Variants in MYO9A observed in about 807,000 individuals in gnomAD.
MYO9A encodes unconventional myosin-IXa.
MYO9A carries 103 observed loss-of-function variants against 293.3 expected under a neutral mutation model. That is an observed-to-expected ratio of 0.35 (90% CI 0.30 to 0.41). MYO9A has a LOEUF of 0.41. Ranked by LOEUF, MYO9A falls within the 10% of genes least tolerant of loss-of-function variation. The pLI is 1.00. For synonymous variants in MYO9A, 1,001 were observed against 1,035.7 expected (o/e 0.97, Z 0.64); for missense variants, 2,685 against 3,033.0 (o/e 0.89, Z 2.69).
In MYO9A at chr15:71,822,839, T is replaced by C. The variant is rs944303204; in HGVS notation, c.*3741A>G. 6.6e-6 allele frequency: 1 copy of C among 152,188 alleles called. No homozygotes were observed. The highest frequency in any genetic ancestry group is 2.4e-5 in the African/African-American group (1 of 41,440). 9.4% of individuals were successfully genotyped at this position (152,188 alleles called of 1,614,324 possible). A position where few individuals can be genotyped will look rare whatever the true frequency, so the allele number is the denominator to read the frequency against. On this transcript the variant is annotated 3_prime_UTR_variant, in exon 42 of 42. Coordinates refer to ENST00000356056, the MANE Select transcript of MYO9A (RefSeq NM_006901.4). ...ACCAGGGGACCAACATGAGACCTAA[T>C]AGATCCATCTCCACAATCATCATTT...
At chr15:71,851,541 TA>T (rs2055648445) in intron 36 of MYO9A, among the ~76,000 whole-genome samples, 183 bp from the exon 37 acceptor site, 1 of 152,224 alleles carries the variant, frequency 6.6e-6, no homozygotes, top group Non-Finnish European at 1.5e-5. Context: ...TCTATATTCA[TA>T]AACAGTCTCC....
At chr15:72,031,060 A>G (rs1353597769) in intron 3 of MYO9A, among the ~76,000 whole-genome samples, 1 of 152,182 alleles carries the variant, frequency 6.6e-6, no homozygotes, top group Admixed American at 6.5e-5. Context: ...CACACATGAG[A>G]GTGATCTAGG....
chr15:71,880,525 CT>C lies in MYO9A; in HGVS notation c.5431del (p.Ser1811AlafsTer28), dbSNP rs1233001034. 1 of 1,614,146 alleles carries C rather than the reference CT, an allele frequency of 6.2e-7. No individual in the cohort carries two copies. Among genetic ancestry groups the C allele is most frequent in the Non-Finnish European group, 8.5e-7 (1 of 1,179,966 alleles). ...LAAYHPTPPL[S>X]PELPGSCRKE... Reference sequence around the variant, plus strand: ...CCGGCAACTGCCGGGCAGTTCTGGGCTCAAAGGAGGTGTTGGGTGATATGCA... The same window carrying C: ...CCGGCAACTGCCGGGCAGTTCTGGGCCAAAGGAGGTGTTGGGTGATATGCA... On this transcript the variant is annotated frameshift_variant, in exon 29 of 42. Coordinates refer to ENST00000356056, the MANE Select transcript of MYO9A (RefSeq NM_006901.4). LOFTEE classifies it high-confidence loss of function.
Position 72,046,535 on chromosome 15 carries a change from C to A in MYO9A, c.29G>T (p.Arg10Leu). 1.2e-6 allele frequency: 2 copies of A among 1,604,306 alleles called. No homozygotes were observed. Among genetic ancestry groups the A allele is most frequent in the Non-Finnish European group, 1.7e-6 (2 of 1,174,368 alleles). MNINDGGRR[R>L]FEDNEHTLRI... ...TAATGTATGTTCATTATCTTCAAAG[C>A]GTCGTCTTCCTCCATCATTTATATT... The change falls in exon 2 of 42, where the codon CGC becomes CTC. Residue 10 changes from arginine (R) to leucine (L), a missense_variant. Arg to Leu is a moderately radical substitution (Grantham distance 102). This residue lies in a region of MYO9A where 67 missense variants were observed against 63.2 expected (regional missense o/e 1.06). Coordinates refer to ENST00000356056, the MANE Select transcript of MYO9A (RefSeq NM_006901.4).
At chr15:71,882,438 T>G (rs960939505) in intron 28 of MYO9A, among the ~76,000 whole-genome samples, 2 of 152,194 alleles carry the variant, frequency 1.3e-5, no homozygotes, top group Non-Finnish European at 2.9e-5. Flanking sequence ...TGTTGAGTAC[T>G]TCTCAAATGT....
intron 18 of MYO9A, among the ~76,000 whole-genome samples, chr15:71,932,251 C>T (rs978027012): frequency 4.2e-4 from 64 of 152,220 alleles, no homozygotes; most frequent in African/African-American, 1.5e-3. Flanking sequence ...GATCAGACTG[C>T]ATTATCTCAT....
In MYO9A at chr15:71,966,265, A is replaced by AGTGTGTGTGTGTGTGTGTGTGT. The variant is rs377708464; in HGVS notation, c.1986+1697_1986+1718dup. Among the ~76,000 whole-genome samples the AGTGTGTGTGTGTGTGTGTGTGT allele has an allele frequency of 4.2e-3, 570 of 134,920 alleles. 8 individuals carry two copies. The highest frequency in any genetic ancestry group is 0.012 in the African/African-American group (412 of 34,852). The allele number at this position is 134,920 out of a possible 152,430, so 88.5% of individuals were successfully genotyped here. A position where few individuals can be genotyped will look rare whatever the true frequency, so the allele number is the denominator to read the frequency against. On this transcript the variant is annotated intron_variant, in intron 13 of 41. Coordinates refer to ENST00000356056, the MANE Select transcript of MYO9A (RefSeq NM_006901.4). ...ATAACGCAGATGAATATCCCAGGCA[A>AGTGTGTGTGTGTGTGTGTGTGT]GTGTGTGTGTGTGTGTGTGTGTGTG...
chr15:71,928,306 T>C (rs1276984941), intron 18 of MYO9A, among the ~76,000 whole-genome samples: 7 of 150,924 alleles, frequency 4.6e-5, no homozygotes, highest in Admixed American at 4.0e-4. Flanking sequence ...CTCGATCTCC[T>C]GACCTCATGA....
chr15:71,955,582 A>G (rs2059158504), intron 14 of MYO9A, among the ~76,000 whole-genome samples: 1 of 152,208 alleles, frequency 6.6e-6, no homozygotes, highest in Non-Finnish European at 1.5e-5. Flanking sequence ...AGTATATCAC[A>G]ATTTGGTCAT....
intron 34 of MYO9A, among the ~76,000 whole-genome samples, chr15:71,856,358 A>T (rs1317174098): frequency 6.6e-6 from 1 of 152,036 alleles, no homozygotes; most frequent in African/African-American, 2.4e-5. Context: ...GTGTGGAGAT[A>T]AGTAAAATTA....
chr15:71,870,015 C>T (rs11857093), intron 32 of MYO9A, among the ~76,000 whole-genome samples: 4,296 of 152,292 alleles, frequency 0.028, 94 homozygotes, highest in Non-Finnish European at 0.045. Context: ...CTCAGCTTCT[C>T]TTGCATCTAT....
At position 71,826,980 on chromosome 15, in the gene MYO9A, C is replaced by CGCAACTTGCTG; in HGVS notation, c.7236_7246dup (p.Arg2416ProfsTer15). The CGCAACTTGCTG allele has an allele frequency of 6.2e-7, 1 of 1,613,282 alleles. No individual in the cohort carries two copies. The highest frequency in any genetic ancestry group is 8.5e-7 in the Non-Finnish European group (1 of 1,179,692). On this transcript the variant is annotated frameshift_variant, in exon 42 of 42. Coordinates refer to ENST00000356056, the MANE Select transcript of MYO9A (RefSeq NM_006901.4). LOFTEE classifies it high-confidence loss of function. ...GTCTTGCTGCTTTTTAAGTTGCTTT[C>CGCAACTTGCTG]GCAACTTGCTGGAAGGTTCAGACTT...
In MYO9A at chr15:71,936,355, T is replaced by A. The variant is rs142146677; in HGVS notation, c.2379-871A>T. Among the ~76,000 whole-genome samples, 477 of 152,164 alleles carry A rather than the reference T, an allele frequency of 3.1e-3. 5 individuals carry two copies. Among genetic ancestry groups the A allele is most frequent in the African/African-American group, 0.011 (463 of 41,544 alleles). On this transcript the variant is annotated intron_variant, in intron 16 of 41. Coordinates refer to ENST00000356056, the MANE Select transcript of MYO9A (RefSeq NM_006901.4). Reference sequence around the variant, plus strand: ...GGGGTGCAGTAAGCAGAGAGGTTGGTCAATGGGTACGAAGTTACAGTAAGA... The same window carrying A: ...GGGGTGCAGTAAGCAGAGAGGTTGGACAATGGGTACGAAGTTACAGTAAGA...
At position 72,117,984 on chromosome 15, in the gene MYO9A, A is replaced by G. The variant is rs1255621911; in HGVS notation, c.-376T>C. The stretch of plus-strand genomic sequence containing the variant: ...AGCGGCCGCCTCTGCCGGTGCAACT[A>G]CTGCCTCCGCCGCCGCCTCTCGCAG... On this transcript the variant is annotated 5_prime_UTR_variant, in exon 1 of 42. Transcript: ENST00000356056. The G allele has an allele frequency of 2.8e-5, 11 of 399,462 alleles. No homozygotes were observed. The highest frequency in any genetic ancestry group is 4.0e-5 in the Non-Finnish European group (9 of 227,088). The allele number at this position is 399,462 out of a possible 1,614,324, so 24.7% of individuals were successfully genotyped here.
chr15:72,004,753 C>T (rs188721150), intron 8 of MYO9A, among the ~76,000 whole-genome samples: 1 of 152,266 alleles, frequency 6.6e-6, no homozygotes, highest in African/African-American at 2.4e-5. Context: ...ATAATTTTCA[C>T]AAGTATCCAT....
At chr15:71,963,299 G>T (rs1230999102) in intron 13 of MYO9A, among the ~76,000 whole-genome samples, 1 of 152,082 alleles carries the variant, frequency 6.6e-6, no homozygotes, top group Non-Finnish European at 1.5e-5. Context: ...TCCCCAGGCT[G>T]ATCTCGAACT....
chr15:71,832,888 C>A (rs1367001071), intron 39 of MYO9A, among the ~76,000 whole-genome samples: 4 of 152,198 alleles, frequency 2.6e-5, no homozygotes, highest in Admixed American at 1.3e-4. Context: ...TATTAAAACA[C>A]CTGTATTATC....
chr15:72,115,604 A>C (rs988161677), intron 1 of MYO9A, among the ~76,000 whole-genome samples: 1 of 152,232 alleles, frequency 6.6e-6, no homozygotes, highest in African/African-American at 2.4e-5. Context: ...CCTGGCCTTT[A>C]GTCTTATTCT....
chr15:72,090,994 A>G lies in MYO9A; in HGVS notation c.-72+26686T>C, dbSNP rs1164710281. ...TTCAGCAAAAAAAAAATAAATAAAT[A>G]AAAAATAAAAAAATAAAAAAGCAAC... On this transcript the variant is annotated intron_variant, in intron 1 of 41. Transcript: ENST00000356056. Among the ~76,000 whole-genome samples, 6 of 147,448 alleles carry G rather than the reference A, an allele frequency of 4.1e-5. No homozygotes were observed. In the Admixed American group the frequency reaches 4.1e-4, roughly 10 times the overall value.
Sources: allele counts gnomAD v4.1 joint callset (sites outside exome capture counted in the v4.1 genomes callset), GRCh38; gene constraint gnomAD v4.1.1; regional missense constraint gnomAD v4.1.1; transcripts MANE v1.5; gene names NCBI Gene and HGNC (gene_info 2026-07-23, HGNC 2026-07-21).